The following BMPR1B variants were observed in gnomAD, a reference collection of about 807,000 sequenced individuals.
BMPR1B encodes the protein bone morphogenetic protein receptor type 1B, also known as bone morphogenetic protein receptor type-1B.
Under a neutral mutation model 59.1 loss-of-function variants are expected in BMPR1B, and 12 were observed. The observed-to-expected ratio is 0.20, with a 90% CI of 0.13 to 0.33. The LOEUF (loss-of-function observed/expected upper bound fraction) is 0.33. Ranked by LOEUF, BMPR1B falls within the 10% of genes least tolerant of loss-of-function variation. BMPR1B has a pLI of 1.00. For missense variants in BMPR1B, 550 were observed against 610.9 expected (o/e 0.90, Z 1.05); for synonymous variants, 237 against 207.3 (o/e 1.14, Z -1.23).
intron 3 of BMPR1B, among the ~76,000 whole-genome samples, chr4:95,002,554 C>A (rs1378521041): frequency 6.6e-6 from 1 of 152,214 alleles, no homozygotes; most frequent in Non-Finnish European, 1.5e-5. Flanking sequence ...AATCTCCAAA[C>A]TGCTTCCACA....
chr4:94,978,483 T>C (rs1006750081), intron 2 of BMPR1B, among the ~76,000 whole-genome samples: 1 of 152,174 alleles, frequency 6.6e-6, no homozygotes, highest in African/African-American at 2.4e-5. Flanking sequence ...GCCAGCATAG[T>C]GTACTCTGGA....
Position 95,051,909 on chromosome 4 carries a change from C to T in BMPR1B, c.-17-52499C>T, listed in dbSNP as rs1726533876. 6.8e-6 allele frequency: 5 copies of T among 735,364 alleles called. No individual in the cohort carries two copies. The South Asian group carries it at 1.2e-4, about 18-fold the overall frequency. 45.6% of individuals were successfully genotyped at this position (735,364 alleles called of 1,614,324 possible). The stretch of plus-strand genomic sequence containing the variant: ...AGTTCCATCCCCCATTCTCCAACTG[C>T]CCTGTAATTTTACTACTTTCTCTAT... On this transcript the variant is annotated intron_variant, in intron 3 of 12. Transcript: ENST00000515059.
intron 2 of BMPR1B, among the ~76,000 whole-genome samples, chr4:94,905,149 A>C (rs1727989106): frequency 6.6e-6 from 1 of 152,086 alleles, no homozygotes; most frequent in Non-Finnish European, 1.5e-5. Flanking sequence ...TAAGATGATC[A>C]AGATGGTTAG....
At chr4:94,793,181 C>T (rs1462936093) in intron 1 of BMPR1B, among the ~76,000 whole-genome samples, 1 of 151,840 alleles carries the variant, frequency 6.6e-6, no homozygotes, top group South Asian at 2.1e-4. Context: ...CCCCACCCCA[C>T]AACAGTCCTC....
chr4:94,827,430 AAATATATTAT>A (rs1293758933), intron 1 of BMPR1B, among the ~76,000 whole-genome samples: 2 of 152,150 alleles, frequency 1.3e-5, no homozygotes, highest in African/African-American at 4.8e-5. Context: ...TATATTTCTC[AAATATATTAT>A]TTATGGTTTT....
At chr4:94,962,080 C>CTTCCTTCCTTCCTTCCTTCT (rs1560569153) in intron 2 of BMPR1B, among the ~76,000 whole-genome samples, 1 of 76,284 alleles carries the variant, frequency 1.3e-5, no homozygotes, top group African/African-American at 6.1e-5. Context: ...TCTTTCCTTC[C>CTTCCTTCCTTCCTTCCTTCT]TTCCTTCCTT....
chr4:94,992,589 CT>C (rs1721820496), intron 2 of BMPR1B, among the ~76,000 whole-genome samples: 1 of 152,194 alleles, frequency 6.6e-6, no homozygotes, highest in Non-Finnish European at 1.5e-5. Context: ...TCCAAAGCCC[CT>C]TTTGGACAGT....
At position 95,003,801 on chromosome 4, in the gene BMPR1B, CTTT is replaced by C. The variant is rs5860385; in HGVS notation, c.-18+7689_-18+7691del. Among the ~76,000 whole-genome samples the C allele has an allele frequency of 5.2e-3, 442 of 84,532 alleles. 4 individuals carry two copies. The highest frequency in any genetic ancestry group is 0.021 in the Middle Eastern group (1 of 48). The allele number at this position is 84,532 out of a possible 152,430, so 55.5% of individuals were successfully genotyped here. ...AAACTTGGATATGACCAAAGTCCAT[CTTT>C]TTTTTTTTTTTTTTTTTTTTTGAGA... On this transcript the variant is annotated intron_variant, in intron 3 of 12. Coordinates refer to ENST00000515059, the MANE Select transcript of BMPR1B (RefSeq NM_001203.3).
rs189539766 is a variant in BMPR1B, at chr4:94,947,959, A to G, written c.-112-48081A>G. On this transcript the variant is annotated intron_variant, in intron 2 of 12. Transcript: ENST00000515059. ...GGTACTGTGCTAAACTACTACCACT[A>G]GCTACAATTCATTGACTGCTATTAT... 1.2e-4 allele frequency among the ~76,000 whole-genome samples: 19 copies of G among 152,358 alleles called. No individual in the cohort carries two copies. In the East Asian group the frequency reaches 3.7e-3, roughly 29 times the overall value.
chr4:95,037,968 C>A (rs1428586642), intron 3 of BMPR1B, among the ~76,000 whole-genome samples: 3 of 151,920 alleles, frequency 2.0e-5, no homozygotes, highest in Admixed American at 6.6e-5. Flanking sequence ...ACATAGTAAG[C>A]AAATTATGTA....
intron 2 of BMPR1B, among the ~76,000 whole-genome samples, chr4:94,929,729 A>G (rs980277236): frequency 6.6e-6 from 1 of 151,856 alleles, no homozygotes; most frequent in Non-Finnish European, 1.5e-5. Flanking sequence ...TGCCTCTCAT[A>G]TCTTACATCC....
rs144119645 is a variant in BMPR1B at position 95,067,576 on chromosome 4, A to G, written c.-17-36832A>G. On this transcript the variant is annotated intron_variant, in intron 3 of 12. Coordinates refer to ENST00000515059, the MANE Select transcript of BMPR1B (RefSeq NM_001203.3). The stretch of plus-strand genomic sequence containing the variant: ...AGAAGTTTGTTGGTCTCTGCCCTGC[A>G]TGAACAGCATTAACAAAATATGTCA... Among the ~76,000 whole-genome samples the G allele has an allele frequency of 2.0e-5, 3 of 152,350 alleles. No homozygotes were observed. In the East Asian group the frequency reaches 5.8e-4, roughly 29 times the overall value.
chr4:95,154,434 A>C, intron 12 of BMPR1B, 114 bp from the exon 13 acceptor site: 1 of 1,455,956 alleles, frequency 6.9e-7, no homozygotes, highest in Admixed American at 1.8e-5. Flanking sequence ...ACATGGTTTT[A>C]AGGGTACCTT....
chr4:94,799,599 G>C (rs1015636003), intron 1 of BMPR1B, among the ~76,000 whole-genome samples: 1 of 152,022 alleles, frequency 6.6e-6, no homozygotes, highest in Non-Finnish European at 1.5e-5. Context: ...ACTGCGCCCA[G>C]CCAACTGTGT....
At chr4:95,049,799 T>C (rs942713560) in intron 3 of BMPR1B, among the ~76,000 whole-genome samples, 1 of 151,952 alleles carries the variant, frequency 6.6e-6, no homozygotes, top group Non-Finnish European at 1.5e-5. Context: ...TAAAATGTCT[T>C]ACATTTTTTC....
intron 3 of BMPR1B, among the ~76,000 whole-genome samples, chr4:95,102,475 A>G (rs1730893012): frequency 6.6e-6 from 1 of 152,234 alleles, no homozygotes; most frequent in Non-Finnish European, 1.5e-5. Flanking sequence ...ATCAAAAATA[A>G]AGGGTCTGGT....
At chr4:95,073,925 G>T (rs940707954) in intron 3 of BMPR1B, among the ~76,000 whole-genome samples, 2 of 152,144 alleles carry the variant, frequency 1.3e-5, no homozygotes, top group African/African-American at 2.4e-5. Context: ...GCAGAATGTG[G>T]TGGCATAGAA....
At chr4:95,119,462 T>C (rs190221335) in intron 6 of BMPR1B, among the ~76,000 whole-genome samples, 110 of 152,304 alleles carry the variant, frequency 7.2e-4, no homozygotes, top group Middle Eastern at 3.4e-3. Context: ...TTAGCCTGCA[T>C]AACATTAAGA....
intron 9 of BMPR1B, among the ~76,000 whole-genome samples, 182 bp downstream of exon 9, chr4:95,130,236 A>G (rs902841906): frequency 6.6e-6 from 1 of 152,220 alleles, no homozygotes; most frequent in East Asian, 1.9e-4. Context: ...GGAATGACTA[A>G]GGCACTTCTG....
Sources: gnomAD v4.1 joint callset for allele counts (sites outside exome capture counted in the v4.1 genomes callset) on GRCh38, gnomAD v4.1.1 for gene constraint, MANE v1.5 for transcripts, NCBI Gene and HGNC (gene_info 2026-07-23, HGNC 2026-07-21) for gene names.